The following LEPROTL1 variants were observed in gnomAD, a reference collection of about 807,000 sequenced individuals.
LEPROTL1 encodes leptin receptor overlapping transcript like 1.
Under a neutral mutation model 15.4 loss-of-function variants are expected in LEPROTL1, and 6 were observed. The observed-to-expected ratio is 0.39, with a 90% CI of 0.21 to 0.77. LEPROTL1 has a LOEUF of 0.77. LEPROTL1 is among the 30% of genes least tolerant of loss of function. LEPROTL1 has a pLI of 0.41. For synonymous variants in LEPROTL1, 56 were observed against 52.6 expected (o/e 1.06, Z -0.28); for missense variants, 128 against 158.1 (o/e 0.81, Z 1.02).
chr8:30,096,037 C>T (rs1286165885), intron 1 of LEPROTL1: 3 of 603,416 alleles, frequency 5.0e-6, no homozygotes, highest in Non-Finnish European at 9.0e-6. Context: ...CCCCGGCCGC[C>T]CGCGCCCGAG....
Position 30,107,465 on chromosome 8 carries a change from GAAGTTTA to G in LEPROTL1, c.*1604_*1610del. ...TCATGACAGCTGTCTGTTGTTTTATGAAGTTTATTTCTCAAGAAAATGGGAATAAATT... is the reference window on the plus strand; with the variant it reads ...TCATGACAGCTGTCTGTTGTTTTATGTTTCTCAAGAAAATGGGAATAAATT... On this transcript the variant is annotated 3_prime_UTR_variant, in exon 4 of 4. Transcript: ENST00000321250. 2.0e-6 allele frequency: 2 copies of G among 985,826 alleles called. No individual in the cohort carries two copies. Among genetic ancestry groups the G allele is most frequent in the Non-Finnish European group, 2.4e-6 (2 of 829,912 alleles). 61.1% of individuals were successfully genotyped at this position (985,826 alleles called of 1,614,324 possible).
intron 4 of LEPROTL1, among the ~76,000 whole-genome samples, chr8:30,133,989 C>T (rs1563221082): frequency 1.3e-5 from 2 of 152,072 alleles, no homozygotes; most frequent in Non-Finnish European, 2.9e-5. Context: ...CAACCCTATA[C>T]AAAAAAATAC....
intron 1 of LEPROTL1, chr8:30,095,839 C>T (rs1329802105): frequency 4.3e-6 from 3 of 701,754 alleles, no homozygotes; most frequent in Non-Finnish European, 7.8e-6. Context: ...AGTCCCGTCG[C>T]GACTTGGACG....
chr8:30,107,294 A>G lies in LEPROTL1; in HGVS notation c.*1432A>G. The G allele has an allele frequency of 1.0e-6, 1 of 985,652 alleles. No individual in the cohort carries two copies. The highest frequency in any genetic ancestry group is 1.2e-6 in the Non-Finnish European group (1 of 829,890). 61.1% of individuals were successfully genotyped at this position (985,652 alleles called of 1,614,324 possible). A position where few individuals can be genotyped will look rare whatever the true frequency, so the allele number is the denominator to read the frequency against. ...TGATCAATTTATAGTGGTCGTTTACATCTAATAATTATCAGGACTTTTTTC... is the reference window on the plus strand; with the variant it reads ...TGATCAATTTATAGTGGTCGTTTACGTCTAATAATTATCAGGACTTTTTTC... On this transcript the variant is annotated 3_prime_UTR_variant, in exon 4 of 4. Transcript: ENST00000321250.
rs1215793342 is a variant in LEPROTL1 at position 30,099,418 on chromosome 8, C to G, written c.17-2480C>G. On this transcript the variant is annotated intron_variant, in intron 1 of 3. Transcript: ENST00000321250. ...ACCATCCTGGCCAATGTGGTGAAACCCCGTCTCTACTAAAAATACAAAAAA... is the reference window on the plus strand; with the variant it reads ...ACCATCCTGGCCAATGTGGTGAAACGCCGTCTCTACTAAAAATACAAAAAA... 2.0e-5 allele frequency among the ~76,000 whole-genome samples: 3 copies of G among 150,858 alleles called. No homozygotes were observed. The East Asian group carries it at 5.8e-4, about 29-fold the overall frequency.
downstream of LEPROTL1, chr8:30,138,335 A>C (rs1031487233): frequency 1.9e-6 from 1 of 519,862 alleles, no homozygotes; most frequent in African/African-American, 1.9e-5. Context: ...ACAATCTTGC[A>C]ACACAGTATT....
downstream of LEPROTL1, chr8:30,138,317 C>G: frequency 2.1e-6 from 1 of 473,552 alleles, no homozygotes; most frequent in Non-Finnish European, 3.8e-6. Flanking sequence ...GTTACACTAA[C>G]ATTCACAACA....
intron 3 of LEPROTL1, chr8:30,132,228 A>C: frequency 6.4e-7 from 1 of 1,551,868 alleles, no homozygotes; most frequent in Non-Finnish European, 8.7e-7. Flanking sequence ...CCTGTCCTGG[A>C]TGGAGTCCAT....
chr8:30,128,453 C>T (rs1480842227), intron 3 of LEPROTL1, among the ~76,000 whole-genome samples: 2 of 151,982 alleles, frequency 1.3e-5, no homozygotes, highest in Non-Finnish European at 2.9e-5. Context: ...AGAGTAGTCA[C>T]TTAAAAAAAT....
At position 30,101,670 on chromosome 8, in the gene LEPROTL1, C is replaced by CAAA. The variant is rs11316779; in HGVS notation, c.17-206_17-204dup. Among the ~76,000 whole-genome samples, 176 of 52,614 alleles carry CAAA rather than the reference C, an allele frequency of 3.3e-3. 2 individuals carry two copies. The highest frequency in any genetic ancestry group is 0.016 in the Middle Eastern group (1 of 64). The allele number at this position is 52,614 out of a possible 152,430, so 34.5% of individuals were successfully genotyped here. On this transcript the variant is annotated intron_variant, in intron 1 of 3. Transcript: ENST00000321250. Reference sequence around the variant, plus strand: ...GCAACAAGAGTGAAACTCCATCTCACAAAAAAAAAAAAAAAAAAAAAAAAG... The same window carrying CAAA: ...GCAACAAGAGTGAAACTCCATCTCACAAAAAAAAAAAAAAAAAAAAAAAAAAAG...
chr8:30,112,176 T>A (rs781477541), downstream of LEPROTL1, among the ~76,000 whole-genome samples: 1 of 152,182 alleles, frequency 6.6e-6, no homozygotes, highest in Non-Finnish European at 1.5e-5. Context: ...CAATTTGCTT[T>A]GTTTCAGACC....
downstream of LEPROTL1, among the ~76,000 whole-genome samples, chr8:30,110,940 T>C (rs772970171): frequency 1.3e-5 from 2 of 152,234 alleles, no homozygotes; most frequent in African/African-American, 2.4e-5. Context: ...CTTTTTCTCT[T>C]GGTAGATCAG....
rs188725347 is a variant in LEPROTL1 at position 30,101,821 on chromosome 8, A to G, written c.17-77A>G. ...GGGATTTTTGCTTCTGAGGTTACAG[A>G]TAATGTTCAGACTGCTGATATTAAT... On this transcript the variant is annotated intron_variant, in intron 1 of 3. Coordinates refer to ENST00000321250, the MANE Select transcript of LEPROTL1 (RefSeq NM_015344.3). The G allele has an allele frequency of 9.4e-5, 82 of 871,276 alleles. No individual in the cohort carries two copies. In the Admixed American group the frequency reaches 9.9e-4, roughly 11 times the overall value. 54.0% of individuals were successfully genotyped at this position (871,276 alleles called of 1,614,324 possible).
At chr8:30,137,325 A>AG in exon 5 of LEPROTL1, 1 of 1,551,754 alleles carries the variant, frequency 6.4e-7, no homozygotes, top group East Asian at 2.4e-5. Context: ...CTGAAGGAAG[A>AG]GAAACACTGA....
chr8:30,109,543 C>G (rs1802624318), downstream of LEPROTL1, among the ~76,000 whole-genome samples: 1 of 152,170 alleles, frequency 6.6e-6, no homozygotes, highest in Non-Finnish European at 1.5e-5. Context: ...TTAGGACTAT[C>G]ATCATAAACT....
intron 3 of LEPROTL1, among the ~76,000 whole-genome samples, chr8:30,117,099 T>C (rs538505421): frequency 8.5e-5 from 13 of 152,236 alleles, no homozygotes; most frequent in African/African-American, 3.1e-4. Flanking sequence ...ATATGCATAC[T>C]GTTTGACCTA....
chr8:30,132,627 C>T (rs145757853), intron 4 of LEPROTL1: 1 of 1,551,796 alleles, frequency 6.4e-7, no homozygotes, highest in Non-Finnish European at 8.7e-7. Flanking sequence ...TCTGCAGACC[C>T]CTCCAGCTCA....
chr8:30,135,913 G>GAAA (rs36032566), intron 4 of LEPROTL1, among the ~76,000 whole-genome samples: 18 of 128,860 alleles, frequency 1.4e-4, no homozygotes, highest in East Asian at 2.2e-4. Flanking sequence ...GACCTTGTCT[G>GAAA]AAAAAAAAAA....
chr8:30,122,028 G>C (rs1049330907), intron 3 of LEPROTL1, among the ~76,000 whole-genome samples: 2 of 151,864 alleles, frequency 1.3e-5, no homozygotes, highest in Non-Finnish European at 2.9e-5. Context: ...TTAGCTGTAC[G>C]TGGTGGCACG....
Sources: allele counts gnomAD v4.1 joint callset (sites outside exome capture counted in the v4.1 genomes callset), GRCh38; gene constraint gnomAD v4.1.1; transcripts MANE v1.5; gene names NCBI Gene and HGNC (gene_info 2026-07-23, HGNC 2026-07-21).